The following UBE2V1 variants were observed in gnomAD, a reference collection of about 807,000 sequenced individuals.
UBE2V1 encodes the protein ubiquitin conjugating enzyme E2 V1, also known as ubiquitin-conjugating enzyme E2 variant 1.
UBE2V1 carries 15 observed loss-of-function variants against 19.6 expected under a neutral mutation model. The ratio of observed to expected loss-of-function variants is 0.77; its 90% confidence interval spans 0.51 to 1.18. UBE2V1 has a LOEUF of 1.18. Ranked by LOEUF, UBE2V1 falls within the 50% of genes most tolerant of loss-of-function variation. The probability of loss-of-function intolerance (pLI) is 0.00; values close to 1 mark genes in which losing one functional copy is unlikely to be tolerated. For missense variants in UBE2V1, 125 were observed against 184.8 expected, an observed-to-expected ratio of 0.68 and a Z score of 1.88; for synonymous variants, 60 against 60.7, an observed-to-expected ratio of 0.99 and a Z score of 0.05.
At chr20:50,112,778 A>G (rs1044804359) in intron 1 of UBE2V1, among the ~76,000 whole-genome samples, 7 of 152,174 alleles carry the variant, frequency 4.6e-5, no homozygotes, top group African/African-American at 7.2e-5. Flanking sequence ...GCCCCTTAAG[A>G]GTCGCCAGCC....
chr20:50,101,667 A>C (rs1289946952), intron 1 of UBE2V1, among the ~76,000 whole-genome samples: 1 of 151,552 alleles, frequency 6.6e-6, no homozygotes, highest in Admixed American at 6.6e-5. Flanking sequence ...AAATTTCCCT[A>C]TACATAAATT....
chr20:50,082,597 A>G lies in UBE2V1; in HGVS notation c.*171T>C. 1 of 1,251,082 alleles carries G rather than the reference A, an allele frequency of 8.0e-7. No homozygotes were observed. The highest frequency in any genetic ancestry group is 1.1e-6 in the Non-Finnish European group (1 of 937,656). 77.5% of individuals were successfully genotyped at this position (1,251,082 alleles called of 1,614,324 possible). Reference sequence around the variant, plus strand: ...CAACTTATATATTTCAAATGGACAAAAAATTAGTATCATTTACAGTATCTT... The same window carrying G: ...CAACTTATATATTTCAAATGGACAAGAAATTAGTATCATTTACAGTATCTT... On this transcript the variant is annotated 3_prime_UTR_variant, in exon 4 of 4. Coordinates refer to ENST00000371674, the MANE Select transcript of UBE2V1 (RefSeq NM_001032288.3).
intron 1 of UBE2V1, among the ~76,000 whole-genome samples, chr20:50,101,950 G>A (rs929662011): frequency 6.6e-6 from 1 of 152,228 alleles, no homozygotes; most frequent in African/African-American, 2.4e-5. Flanking sequence ...AAGATGAAGA[G>A]GTTGGAGCCA....
intron 1 of UBE2V1, among the ~76,000 whole-genome samples, chr20:50,107,697 T>C (rs2080479221): frequency 6.6e-6 from 1 of 152,230 alleles, no homozygotes; most frequent in East Asian, 1.9e-4. Context: ...TCAAAGAGAT[T>C]CTGAATTAAC....
At chr20:50,090,813 C>CAA (rs1243368192) in intron 2 of UBE2V1, among the ~76,000 whole-genome samples, 6 of 152,116 alleles carry the variant, frequency 3.9e-5, no homozygotes, top group Non-Finnish European at 7.4e-5. Context: ...CACAGACACA[C>CAA]AAGGTAGCTA....
At chr20:50,083,699 T>C (rs1382038759) in intron 3 of UBE2V1, 1 of 154,186 alleles carries the variant, frequency 6.5e-6, no homozygotes, top group Non-Finnish European at 1.4e-5. Context: ...TGCCCAGTTA[T>C]GACAACTGAG....
intron 2 of UBE2V1, among the ~76,000 whole-genome samples, chr20:50,089,114 C>T (rs1005557446): frequency 1.3e-5 from 2 of 152,070 alleles, no homozygotes; most frequent in Admixed American, 1.3e-4. Flanking sequence ...CGTCAGTGGA[C>T]TGAAAATGTT....
At chr20:50,110,161 G>A (rs902657207) in intron 1 of UBE2V1, among the ~76,000 whole-genome samples, 1 of 152,240 alleles carries the variant, frequency 6.6e-6, no homozygotes, top group Admixed American at 6.5e-5. Flanking sequence ...GAAGCTCGTG[G>A]GCTGCTGAGT....
chr20:50,091,007 G>A (rs1312362618), intron 2 of UBE2V1, among the ~76,000 whole-genome samples: 1 of 152,048 alleles, frequency 6.6e-6, no homozygotes, highest in Non-Finnish European at 1.5e-5. Context: ...GTTAAAGCGG[G>A]ACTAAGTTAA....
At chr20:50,105,881 G>C (rs761137704) in intron 1 of UBE2V1, among the ~76,000 whole-genome samples, 1 of 151,876 alleles carries the variant, frequency 6.6e-6, no homozygotes, top group Admixed American at 6.6e-5. Context: ...AGTGAGCTGC[G>C]ATCATGCCAC....
chr20:50,109,706 G>A (rs1460842643), intron 1 of UBE2V1, among the ~76,000 whole-genome samples: 6 of 140,182 alleles, frequency 4.3e-5, no homozygotes, highest in African/African-American at 1.4e-4. Context: ...CCAAGATCAC[G>A]CCACTGCACT....
At chr20:50,115,516 TC>T, upstream of UBE2V1, 1 of 1,594,626 alleles carries the variant, frequency 6.3e-7, no homozygotes, top group African/African-American at 1.3e-5. Context: ...GTTCAAGTCT[TC>T]CTTCATCACT....
chr20:50,094,251 A>T lies in UBE2V1; in HGVS notation c.171+2421T>A, dbSNP rs190366954. On this transcript the variant is annotated intron_variant, in intron 2 of 3. Transcript: ENST00000371674. ...TATATAATATATAATGCATTATATA[A>T]TATATAATGCATTATATAATATATA... Among the ~76,000 whole-genome samples, 529 of 128,582 alleles carry T rather than the reference A, an allele frequency of 4.1e-3. 3 individuals carry two copies. The highest frequency in any genetic ancestry group is 0.014 in the African/African-American group (462 of 33,504). The allele number at this position is 128,582 out of a possible 152,430, so 84.4% of individuals were successfully genotyped here.
intron 2 of UBE2V1, among the ~76,000 whole-genome samples, chr20:50,087,123 C>T (rs556618671): frequency 2.0e-5 from 3 of 151,506 alleles, no homozygotes; most frequent in African/African-American, 4.9e-5. Context: ...AGGCTGGGTG[C>T]GGTGGATGAC....
intron 1 of UBE2V1, among the ~76,000 whole-genome samples, chr20:50,110,389 A>T (rs1395831406): frequency 6.6e-6 from 1 of 152,232 alleles, no homozygotes; most frequent in East Asian, 1.9e-4. Context: ...ACCATAAAAA[A>T]CTAAGTTCAG....
Position 50,081,273 on chromosome 20 carries a change from T to A in UBE2V1, c.*1495A>T, listed in dbSNP as rs1371532175. 6.6e-6 allele frequency: 1 copy of A among 151,994 alleles called. No homozygotes were observed. Among genetic ancestry groups the A allele is most frequent in the Non-Finnish European group, 1.5e-5 (1 of 67,974 alleles). The allele number at this position is 151,994 out of a possible 1,614,324, so 9.4% of individuals were successfully genotyped here. On this transcript the variant is annotated 3_prime_UTR_variant, in exon 4 of 4. Transcript: ENST00000371674. ...TAAGGTTTTCCCCCCAGAAAAAGAT[T>A]AATGGAAACATCAATTGCTTTTCAG... is the stretch of plus-strand genomic sequence containing the variant.
chr20:50,099,213 GCTGAA>G (rs2079830173), intron 1 of UBE2V1, among the ~76,000 whole-genome samples: 1 of 143,732 alleles, frequency 7.0e-6, no homozygotes, highest in South Asian at 2.2e-4. Context: ...TATGGGCTGG[GCTGAA>G]CTGTGTTCCC....
intron 2 of UBE2V1, among the ~76,000 whole-genome samples, chr20:50,090,698 A>T (rs544435247): frequency 6.6e-6 from 1 of 152,336 alleles, no homozygotes; most frequent in Admixed American, 6.5e-5. Flanking sequence ...ACTTTCAGTT[A>T]TGAGTAAGTT....
upstream of UBE2V1, chr20:50,115,623 T>C: frequency 7.2e-7 from 1 of 1,383,168 alleles, no homozygotes; most frequent in Non-Finnish European, 9.5e-7. Context: ...ATAGGATTGC[T>C]GTGGAGATAA....
Sources: gnomAD v4.1 joint callset for allele counts (sites outside exome capture counted in the v4.1 genomes callset) on GRCh38, gnomAD v4.1.1 for gene constraint, MANE v1.5 for transcripts, NCBI Gene and HGNC (gene_info 2026-07-23, HGNC 2026-07-21) for gene names.